Variants in FGF2 observed in about 807,000 individuals in gnomAD.
FGF2 encodes fibroblast growth factor 2.
A neutral mutation model predicts 15.9 loss-of-function variants in FGF2; 13 were observed. The observed-to-expected ratio is 0.82, with a 90% CI of 0.53 to 1.30. The LOEUF is 1.30. FGF2 is among the 50% of genes most tolerant of loss of function. The pLI is 0.00. For synonymous variants in FGF2, 90 were observed against 78.4 expected, an observed-to-expected ratio of 1.15 and a Z score of -0.78; for missense variants, 163 against 196.9, an observed-to-expected ratio of 0.83 and a Z score of 1.03.
Position 122,869,443 on chromosome 4 carries a change from C to T in FGF2, c.179-6878C>T, listed in dbSNP as rs541771220. On this transcript the variant is annotated intron_variant, in intron 1 of 2. Coordinates refer to ENST00000644866, the MANE Select transcript of FGF2 (RefSeq NM_001361665.2). ...ACTTTGGGCAGTATGTCCATTTTCA[C>T]GATAGTGATTCTTCCTATCCTTGAG... Among the ~76,000 whole-genome samples, 13 of 152,286 alleles carry T rather than the reference C, an allele frequency of 8.5e-5. No homozygotes were observed. In the East Asian group the frequency reaches 1.4e-3, roughly 16 times the overall value.
At chr4:122,832,102 C>T (rs1341249144) in intron 1 of FGF2, among the ~76,000 whole-genome samples, 1 of 152,116 alleles carries the variant, frequency 6.6e-6, no homozygotes, top group East Asian at 1.9e-4. Flanking sequence ...GTAGTCTTTG[C>T]TTGTTTTTCC....
rs535400811 is a variant in FGF2, at chr4:122,828,300, G to C, written c.178+948G>C. Among the ~76,000 whole-genome samples the C allele has an allele frequency of 7.2e-5, 11 of 152,330 alleles. No homozygotes were observed. In the South Asian group the frequency reaches 2.3e-3, roughly 32 times the overall value. On this transcript the variant is annotated intron_variant, in intron 1 of 2. Coordinates refer to ENST00000644866, the MANE Select transcript of FGF2 (RefSeq NM_001361665.2). ...TCACACTTTGAGAGCCACTGGTCTA[G>C]AGGAAAGAGAAAGAAAGGGGCATAA... is the stretch of plus-strand genomic sequence containing the variant.
chr4:122,869,679 T>C (rs1726688119), intron 1 of FGF2, among the ~76,000 whole-genome samples: 1 of 152,246 alleles, frequency 6.6e-6, no homozygotes, highest in Admixed American at 6.5e-5. Context: ...TTTTTCCACA[T>C]TGATTTTGTA....
intron 2 of FGF2, among the ~76,000 whole-genome samples, chr4:122,885,913 C>CTTTTTTTTT (rs11310783): frequency 1.2e-5 from 1 of 84,524 alleles, no homozygotes; most frequent in Non-Finnish European, 2.1e-5. Flanking sequence ...TTTTTTTTTC[C>CTTTTTTTTT]TTTTTTTTTT....
chr4:122,890,886 T>C (rs1727158298), intron 2 of FGF2, among the ~76,000 whole-genome samples: 1 of 152,216 alleles, frequency 6.6e-6, no homozygotes, highest in South Asian at 2.1e-4. Context: ...AGTTTATCAT[T>C]CGATTGATAT....
chr4:122,881,583 ACAAGTTCCT>A (rs1274131383), intron 2 of FGF2, among the ~76,000 whole-genome samples: 7 of 152,228 alleles, frequency 4.6e-5, no homozygotes, highest in African/African-American at 1.4e-4. Flanking sequence ...TCAGTTCCCA[ACAAGTTCCT>A]CATCTCCATT....
chr4:122,875,445 A>AGGCTGAGGCGGGCGG (rs1216679910), intron 1 of FGF2, among the ~76,000 whole-genome samples: 1 of 117,138 alleles, frequency 8.5e-6, no homozygotes, highest in Admixed American at 8.8e-5. Context: ...TAGACATCAA[A>AGGCTGAGGCGGGCGG]ATCCCATATA....
rs1388181755 is a variant in FGF2, at chr4:122,827,348, TCA to T, written c.177_178del (p.Ile60GlnfsTer20). The T allele has an allele frequency of 1.2e-6, 2 of 1,612,750 alleles. No individual in the cohort carries two copies. The highest frequency in any genetic ancestry group is 8.5e-7 in the Non-Finnish European group (1 of 1,179,874). On this transcript the variant is annotated frameshift_variant and splice_region_variant, in exon 1 of 3. Coordinates refer to ENST00000644866, the MANE Select transcript of FGF2 (RefSeq NM_001361665.2). LOFTEE classifies it high-confidence loss of function. The surrounding 1 kb of genome is among the most constrained non-coding windows in gnomAD (Gnocchi z 4.2). ...ACGGGGTCCGGGAGAAGAGCGACCCTCACAGTGAGTGCCGACCCGCTCTCTCC... is the reference window on the plus strand; with the variant it reads ...ACGGGGTCCGGGAGAAGAGCGACCCTCAGTGAGTGCCGACCCGCTCTCTCC... ...VDGVREKSDP[H>X]IKLQLQAEER...
chr4:122,869,560 T>C (rs1369241919), intron 1 of FGF2, among the ~76,000 whole-genome samples: 1 of 152,196 alleles, frequency 6.6e-6, no homozygotes, highest in East Asian at 1.9e-4. Flanking sequence ...ACATCCCTTG[T>C]TAGCTGTATT....
intron 1 of FGF2, among the ~76,000 whole-genome samples, chr4:122,844,418 T>C (rs555398853): frequency 7.5e-4 from 114 of 152,360 alleles, no homozygotes; most frequent in Non-Finnish European, 1.5e-3. Context: ...TGGAGTCAAC[T>C]TCTTCCAAAC....
rs1025836377 is a variant in FGF2 at position 122,827,437 on chromosome 4, C to G, written c.178+85C>G. The G allele has an allele frequency of 6.8e-7, 1 of 1,464,614 alleles. No individual in the cohort carries two copies. Among genetic ancestry groups the G allele is most frequent in the Admixed American group, 1.7e-5 (1 of 57,950 alleles). The allele number at this position is 1,464,614 out of a possible 1,614,324, so 90.7% of individuals were successfully genotyped here. A position where few individuals can be genotyped will look rare whatever the true frequency, so the allele number is the denominator to read the frequency against. On this transcript the variant is annotated intron_variant, in intron 1 of 2. Coordinates refer to ENST00000644866, the MANE Select transcript of FGF2 (RefSeq NM_001361665.2). The surrounding 1 kb of genome is among the most constrained non-coding windows in gnomAD (Gnocchi z 4.2). The stretch of plus-strand genomic sequence containing the variant: ...TCCCCTCCAGCCTGCACCCTCCTCC[C>G]GGATCTTCACTGCGACCCTAGCGCT...
chr4:122,841,977 A>G (rs1348701013), intron 1 of FGF2, among the ~76,000 whole-genome samples: 1 of 152,208 alleles, frequency 6.6e-6, no homozygotes, highest in East Asian at 1.9e-4. Context: ...ATGCTTAATG[A>G]TGTAGAACTG....
chr4:122,876,879 G>T (rs1281890342), intron 2 of FGF2, among the ~76,000 whole-genome samples: 1 of 152,176 alleles, frequency 6.6e-6, no homozygotes, highest in Non-Finnish European at 1.5e-5. Context: ...TGGTACAGAT[G>T]CCGACTCTGC....
At chr4:122,836,736 T>C (rs939827245) in intron 1 of FGF2, among the ~76,000 whole-genome samples, 3 of 152,210 alleles carry the variant, frequency 2.0e-5, no homozygotes, top group Admixed American at 2.0e-4. Flanking sequence ...GTATAAATAC[T>C]ATAGTATGAG....
chr4:122,864,661 G>A (rs535767245), intron 1 of FGF2, among the ~76,000 whole-genome samples: 12 of 152,024 alleles, frequency 7.9e-5, no homozygotes, highest in Non-Finnish European at 1.2e-4. Flanking sequence ...ATGAATGTGC[G>A]TATTTTCAGT....
At chr4:122,856,240 A>G (rs1475914486) in intron 1 of FGF2, among the ~76,000 whole-genome samples, 1 of 152,200 alleles carries the variant, frequency 6.6e-6, no homozygotes, top group Non-Finnish European at 1.5e-5. Flanking sequence ...CACAATATTC[A>G]TTTGGCTTTA....
chr4:122,851,918 A>T (rs1456739885), intron 1 of FGF2, among the ~76,000 whole-genome samples: 1 of 152,206 alleles, frequency 6.6e-6, no homozygotes, highest in Non-Finnish European at 1.5e-5. Flanking sequence ...CATCTATTAT[A>T]TAGGGATACT....
At chr4:122,832,960 C>A (rs139279991) in intron 1 of FGF2, among the ~76,000 whole-genome samples, 2,723 of 152,278 alleles carry the variant, frequency 0.018, 36 homozygotes, top group Non-Finnish European at 0.028. Flanking sequence ...ACCCTTTGAG[C>A]CATAGACTGT....
intron 1 of FGF2, among the ~76,000 whole-genome samples, chr4:122,854,441 A>G (rs561850840): frequency 2.0e-5 from 3 of 152,338 alleles, no homozygotes; most frequent in Admixed American, 6.5e-5. Flanking sequence ...AGCATATTTT[A>G]AAGAACTCAG....
Sources: allele counts gnomAD v4.1 joint callset (sites outside exome capture counted in the v4.1 genomes callset), GRCh38; gene constraint gnomAD v4.1.1; non-coding constraint Gnocchi (gnomAD v3.1); transcripts MANE v1.5; gene names NCBI Gene and HGNC (gene_info 2026-07-23, HGNC 2026-07-21).